The following ACOXL variants were observed in gnomAD, a reference collection of about 807,000 sequenced individuals.
ACOXL encodes acyl-coenzyme A oxidase-like protein.
A neutral mutation model predicts 71.9 loss-of-function variants in ACOXL; 70 were observed. The ratio of observed to expected loss-of-function variants is 0.97; its 90% confidence interval spans 0.80 to 1.19. The LOEUF (loss-of-function observed/expected upper bound fraction) is 1.19. Among genes scored for constraint, ACOXL ranks in the 50% most tolerant of loss-of-function variants. The probability of loss-of-function intolerance (pLI) is 0.00; values close to 1 mark genes in which losing one functional copy is unlikely to be tolerated. For synonymous variants in ACOXL, 253 were observed against 281.6 expected (o/e 0.90, Z 1.02); for missense variants, 703 against 736.3 (o/e 0.95, Z 0.52).
intron 12 of ACOXL, chr2:110,963,594 TG>T (rs747911075): frequency 0.087 from 138,817 of 1,592,912 alleles, 4,858 homozygotes; most frequent in East Asian, 0.3. Flanking sequence ...TGTGTGTGTG[TG>T]TGTGTGTGTT....
intron 1 of ACOXL, among the ~76,000 whole-genome samples, chr2:110,762,566 T>C (rs1416344518): frequency 6.6e-6 from 1 of 152,232 alleles, no homozygotes; most frequent in Non-Finnish European, 1.5e-5. Flanking sequence ...CATAGTTTAC[T>C]AGTATTGTCC....
intron 11 of ACOXL, among the ~76,000 whole-genome samples, chr2:110,920,356 A>G (rs2060020370): frequency 6.6e-6 from 1 of 152,046 alleles, no homozygotes; most frequent in Non-Finnish European, 1.5e-5. Flanking sequence ...TCATGTACTT[A>G]TTTGCCATCT....
intron 7 of ACOXL, among the ~76,000 whole-genome samples, chr2:110,800,567 A>G (rs1012431484): frequency 2.0e-5 from 3 of 151,860 alleles, no homozygotes; most frequent in African/African-American, 2.4e-5. Context: ...TGGTGAGATC[A>G]GGACATGCCT....
intron 1 of ACOXL, among the ~76,000 whole-genome samples, chr2:110,758,984 T>C (rs1016565940): frequency 2.6e-5 from 4 of 152,232 alleles, no homozygotes; most frequent in Non-Finnish European, 5.9e-5. Context: ...GTTGTGTGGG[T>C]TTAAGTGAAT....
At chr2:111,030,353 C>T (rs1425211528) in intron 14 of ACOXL, among the ~76,000 whole-genome samples, 3 of 152,170 alleles carry the variant, frequency 2.0e-5, no homozygotes, top group African/African-American at 7.2e-5. Context: ...GTAATTGTGA[C>T]ACCAGTGCAG....
chr2:111,095,360 T>G (rs961691379), intron 17 of ACOXL, among the ~76,000 whole-genome samples: 1 of 151,716 alleles, frequency 6.6e-6, no homozygotes, highest in African/African-American at 2.4e-5. Context: ...ATATAAAACA[T>G]TGAAGTGCTT....
At position 110,839,132 on chromosome 2, in the gene ACOXL, GT is replaced by G. The variant is rs552548214; in HGVS notation, c.754-2227del. The stretch of plus-strand genomic sequence containing the variant: ...AGCTGTCATGAACAACTTTTTCTGT[GT>G]TTTTTTTTTTTCTTCTTGTCCCTCC... On this transcript the variant is annotated intron_variant, in intron 9 of 17. Transcript: ENST00000439055. 6.1e-3 allele frequency among the ~76,000 whole-genome samples: 886 copies of G among 145,388 alleles called. 13 individuals are homozygous for G. The highest frequency in any genetic ancestry group is 0.02 in the African/African-American group (783 of 40,076).
intron 12 of ACOXL, among the ~76,000 whole-genome samples, chr2:110,936,544 G>A (rs137895126): frequency 1.9e-4 from 29 of 152,068 alleles, no homozygotes; most frequent in Middle Eastern, 3.4e-3. Context: ...TTACAGGTGC[G>A]AGTCATGGTT....
At chr2:111,044,379 TC>T (rs1376178677) in intron 15 of ACOXL, among the ~76,000 whole-genome samples, 1 of 152,222 alleles carries the variant, frequency 6.6e-6, no homozygotes, top group Non-Finnish European at 1.5e-5. Flanking sequence ...AGAGAACTGG[TC>T]CCTGGAGGAG....
At chr2:110,946,980 T>C (rs971071465) in intron 12 of ACOXL, among the ~76,000 whole-genome samples, 6 of 152,204 alleles carry the variant, frequency 3.9e-5, no homozygotes, top group Non-Finnish European at 7.3e-5. Context: ...GGCGTGCAGC[T>C]GTGACATTCC....
At chr2:110,838,592 AG>A (rs1690745373) in intron 9 of ACOXL, among the ~76,000 whole-genome samples, 1 of 152,182 alleles carries the variant, frequency 6.6e-6, no homozygotes, top group Non-Finnish European at 1.5e-5. Flanking sequence ...CTTTCTCTGT[AG>A]GAATGAGGAA....
intron 10 of ACOXL, among the ~76,000 whole-genome samples, chr2:110,854,851 TG>T (rs1321814446): frequency 3.3e-5 from 5 of 152,206 alleles, no homozygotes; most frequent in Admixed American, 6.5e-5. Context: ...CAGAGATTAC[TG>T]CTCTGCTCAG....
intron 1 of ACOXL, among the ~76,000 whole-genome samples, chr2:110,756,627 A>C (rs1679738268): frequency 6.6e-6 from 1 of 152,150 alleles, no homozygotes. Context: ...TTATTCTAGT[A>C]CGTGGTGTGA....
intron 14 of ACOXL, among the ~76,000 whole-genome samples, chr2:111,022,902 G>A (rs1201018708): frequency 6.6e-6 from 1 of 152,352 alleles, no homozygotes; most frequent in African/African-American, 2.4e-5. Flanking sequence ...GGGAAGATCT[G>A]GCTTGCGACA....
intron 10 of ACOXL, among the ~76,000 whole-genome samples, chr2:110,847,808 AC>A (rs1692105477): frequency 6.6e-6 from 1 of 152,198 alleles, no homozygotes; most frequent in Non-Finnish European, 1.5e-5. Context: ...TCACAGTGTG[AC>A]CGTCCTGAGC....
intron 14 of ACOXL, among the ~76,000 whole-genome samples, chr2:111,019,549 T>C (rs2064642449): frequency 6.6e-6 from 1 of 152,250 alleles, no homozygotes; most frequent in Non-Finnish European, 1.5e-5. Context: ...TTTCATGTTC[T>C]GACAGTTTCA....
At chr2:110,736,932 ATTCTTG>A (rs1397736254) in intron 1 of ACOXL, among the ~76,000 whole-genome samples, 1 of 152,008 alleles carries the variant, frequency 6.6e-6, no homozygotes, top group Non-Finnish European at 1.5e-5. Context: ...CATTTTGATC[ATTCTTG>A]TATCTGTTGA....
At chr2:110,830,598 A>G (rs565772296) in intron 9 of ACOXL, among the ~76,000 whole-genome samples, 10 of 151,996 alleles carry the variant, frequency 6.6e-5, no homozygotes, top group African/African-American at 1.7e-4. Context: ...CAGTGGCGCA[A>G]TCTCGGCTCA....
rs535860204 is a variant in ACOXL at position 110,856,238 on chromosome 2, T to C, written c.788+14833T>C. Among the ~76,000 whole-genome samples the C allele has an allele frequency of 5.3e-5, 8 of 152,310 alleles. 1 individual carries two copies. In the South Asian group the frequency reaches 1.4e-3, roughly 28 times the overall value. On this transcript the variant is annotated intron_variant, in intron 10 of 17. Coordinates refer to ENST00000439055, the MANE Select transcript of ACOXL (RefSeq NM_001142807.4). ...CCCCACTCGACCCAGGAAATCCAGC[T>C]GGCTTCACCTCTCAATATGATGAAA...
Sources: gnomAD v4.1 joint callset for allele counts (sites outside exome capture counted in the v4.1 genomes callset) on GRCh38, gnomAD v4.1.1 for gene constraint, MANE v1.5 for transcripts, NCBI Gene and HGNC (gene_info 2026-07-23, HGNC 2026-07-21) for gene names.